VPS13A: variants seen among roughly 807,000 people sequenced by gnomAD.
VPS13A encodes vacuolar protein sorting 13 homolog A, also known as intermembrane lipid transfer protein VPS13A.
In VPS13A, 264 loss-of-function variants were observed where a neutral mutation model predicts 390.9. The ratio of observed to expected loss-of-function variants is 0.68; its 90% CI spans 0.61 to 0.75. The LOEUF (loss-of-function observed/expected upper bound fraction) is 0.75, where lower values mean the gene tolerates loss of function less well. Ranked by LOEUF, VPS13A falls within the 30% of genes least tolerant of loss-of-function variation. The pLI, the probability that VPS13A is intolerant of heterozygous loss-of-function variation, is 0.00. For synonymous variants in VPS13A, 1,231 were observed against 1,227.1 expected (o/e 1.00, Z -0.07); for missense variants, 3,409 against 3,733.9 (o/e 0.91, Z 2.27).
intron 68 of VPS13A, among the ~76,000 whole-genome samples, chr9:77,399,206 C>A (rs55995875): frequency 0.071 from 4,915 of 69,374 alleles, 16 homozygotes; most frequent in East Asian, 0.11. Context: ...AAAAAAAAAA[C>A]AAAGGATACG....
chr9:77,374,052 TATA>T (rs1430247519), intron 67 of VPS13A, among the ~76,000 whole-genome samples: 1 of 152,208 alleles, frequency 6.6e-6, no homozygotes, highest in Non-Finnish European at 1.5e-5. Flanking sequence ...AATTAGCAAA[TATA>T]ATCTGTATCC....
chr9:77,368,160 A>G (rs1402382109), intron 62 of VPS13A, 24 bp downstream of exon 62: 3 of 1,586,622 alleles, frequency 1.9e-6, no homozygotes, highest in Non-Finnish European at 2.6e-6. Flanking sequence ...TATATTACAG[A>G]GGGACAGAGT....
intron 34 of VPS13A, among the ~76,000 whole-genome samples, chr9:77,306,570 G>A (rs1317366923): frequency 2.0e-5 from 3 of 151,978 alleles, no homozygotes; most frequent in Non-Finnish European, 4.4e-5. Context: ...GGAAGAGGTA[G>A]TGTTGGAGCT....
intron 1 of VPS13A, among the ~76,000 whole-genome samples, chr9:77,178,838 A>T (rs1045786455): frequency 6.6e-6 from 1 of 152,194 alleles, no homozygotes; most frequent in Non-Finnish European, 1.5e-5. Context: ...ATATATTTAA[A>T]GTAATTTATT....
intron 10 of VPS13A, among the ~76,000 whole-genome samples, chr9:77,218,358 C>T (rs942383582): frequency 6.6e-6 from 1 of 152,064 alleles, no homozygotes; most frequent in African/African-American, 2.4e-5. Context: ...CATGATCTGC[C>T]TGCCTCGGCC....
chr9:77,393,701 C>T (rs967205921), intron 68 of VPS13A, among the ~76,000 whole-genome samples: 1 of 152,272 alleles, frequency 6.6e-6, no homozygotes, highest in South Asian at 2.1e-4. Flanking sequence ...TTTTTCTGAG[C>T]GATAGGTCTC....
intron 50 of VPS13A, among the ~76,000 whole-genome samples, chr9:77,342,065 T>C (rs11145389): frequency 3.9e-5 from 6 of 151,980 alleles, no homozygotes; most frequent in African/African-American, 1.2e-4. Context: ...TTATGTAAGG[T>C]AGTTAGGATG....
intron 35 of VPS13A, among the ~76,000 whole-genome samples, chr9:77,312,173 G>C (rs34885103): frequency 6.6e-6 from 1 of 151,896 alleles, no homozygotes; most frequent in African/African-American, 2.4e-5. Flanking sequence ...TCCAACAAAA[G>C]AAAAACAGAG....
chr9:77,295,868 TTG>T, intron 33 of VPS13A, 22 bp downstream of exon 33: 4 of 1,610,498 alleles, frequency 2.5e-6, no homozygotes, highest in Non-Finnish European at 3.4e-6. Flanking sequence ...ACAAGTATAT[TTG>T]TGTGGAATGC....
chr9:77,330,152 A>G (rs1283676720), intron 45 of VPS13A, among the ~76,000 whole-genome samples: 20 of 151,470 alleles, frequency 1.3e-4, no homozygotes, highest in Admixed American at 8.5e-4. Context: ...AGTAGCTCGG[A>G]CTACATGTCT....
chr9:77,405,118 G>T (rs1834541008), intron 69 of VPS13A, among the ~76,000 whole-genome samples: 1 of 152,070 alleles, frequency 6.6e-6, no homozygotes, highest in South Asian at 2.1e-4. Context: ...TAGACAGAAG[G>T]TATTTTCATT....
chr9:77,385,237 T>C, intron 68 of VPS13A: 1 of 833,932 alleles, frequency 1.2e-6, no homozygotes, highest in Non-Finnish European at 1.4e-6. Flanking sequence ...TAGATTGAAC[T>C]GCTATTATAA....
intron 52 of VPS13A, among the ~76,000 whole-genome samples, chr9:77,348,753 GA>G (rs1440004385): frequency 6.6e-6 from 1 of 152,108 alleles, no homozygotes; most frequent in African/African-American, 2.4e-5. Flanking sequence ...ACTTTCTTGT[GA>G]GTTTGAGACA....
chr9:77,361,230 G>C (rs1007588406), intron 59 of VPS13A, among the ~76,000 whole-genome samples: 2 of 152,006 alleles, frequency 1.3e-5, no homozygotes, highest in African/African-American at 4.8e-5. Context: ...TCTAATTCCG[G>C]AACATTTTCA....
In VPS13A at chr9:77,416,157, C is replaced by CAA; in HGVS notation, c.*157_*158dup. ...ACAAAAACAAACAAAAAAACAAAAA[C>CAA]AAAAAAACAAAACCAGAATCAGGTA... On this transcript the variant is annotated 3_prime_UTR_variant, in exon 72 of 72. Coordinates refer to ENST00000360280, the MANE Select transcript of VPS13A (RefSeq NM_033305.3). 1.1e-6 allele frequency: 1 copy of CAA among 891,754 alleles called. No homozygotes were observed. The highest frequency in any genetic ancestry group is 1.6e-5 in the South Asian group (1 of 63,524). 55.2% of individuals were successfully genotyped at this position (891,754 alleles called of 1,614,324 possible).
At chr9:77,275,710 G>A in intron 25 of VPS13A, 58 bp downstream of exon 25, 1 of 1,540,456 alleles carries the variant, frequency 6.5e-7, no homozygotes, top group South Asian at 1.1e-5. Flanking sequence ...TATATTTACA[G>A]CTTACTATAT....
At chr9:77,332,238 A>G in intron 46 of VPS13A, 125 bp downstream of exon 46, 3 of 731,386 alleles carry the variant, frequency 4.1e-6, no homozygotes, top group Admixed American at 2.1e-5. Flanking sequence ...TTTAGGTTTC[A>G]GTGCACTTAG....
chr9:77,407,640 G>C (rs368515076), intron 71 of VPS13A, 33 bp downstream of exon 71: 3 of 1,488,966 alleles, frequency 2.0e-6, no homozygotes, highest in Non-Finnish European at 2.8e-6. Flanking sequence ...TTAAATAGGA[G>C]CTGCTCACTT....
intron 68 of VPS13A, among the ~76,000 whole-genome samples, chr9:77,388,243 A>G (rs570699769): frequency 5.3e-5 from 8 of 152,208 alleles, no homozygotes; most frequent in Non-Finnish European, 7.4e-5. Context: ...TGTTAATTTA[A>G]TCATTAATAT....
Sources: gnomAD v4.1 joint callset for allele counts (sites outside exome capture counted in the v4.1 genomes callset) on GRCh38, gnomAD v4.1.1 for gene constraint, MANE v1.5 for transcripts, NCBI Gene and HGNC (gene_info 2026-07-23, HGNC 2026-07-21) for gene names.